The following TENM2 variants were observed in gnomAD, a reference collection of about 807,000 sequenced individuals.
The protein encoded by TENM2 is teneurin-2.
In TENM2, 52 loss-of-function variants were observed where a neutral mutation model predicts 245.2. That is an observed-to-expected ratio of 0.21 (90% confidence interval 0.17 to 0.27). TENM2 has a LOEUF of 0.27. TENM2 is among the 10% of genes least tolerant of loss of function. The probability of loss-of-function intolerance (pLI) is 1.00; values close to 1 mark genes in which losing one functional copy is unlikely to be tolerated. For synonymous variants in TENM2, 1,363 were observed against 1,438.9 expected, an observed-to-expected ratio of 0.95 and a Z score of 1.19; for missense variants, 3,046 against 3,666.8, an observed-to-expected ratio of 0.83 and a Z score of 4.37.
intron 1 of TENM2, among the ~76,000 whole-genome samples, chr5:167,304,595 CTTATT>C (rs1561848939): frequency 6.6e-6 from 1 of 152,084 alleles, no homozygotes; most frequent in Non-Finnish European, 1.5e-5. Flanking sequence ...ATATTTGTAA[CTTATT>C]TTGTTTTCCA....
intron 2 of TENM2, among the ~76,000 whole-genome samples, chr5:167,805,815 G>A (rs68057166): frequency 0.25 from 38,538 of 151,996 alleles, 5,695 homozygotes; most frequent in East Asian, 0.51. Flanking sequence ...TTTATCCAAA[G>A]TCTGAGAAGA....
rs1257837023 is a variant in TENM2, at chr5:167,801,929, C to CACAT, written c.503-74056_503-74055insCATA. On this transcript the variant is annotated intron_variant, in intron 2 of 28. Transcript: ENST00000518659. Reference sequence around the variant, plus strand: ...AGACACACACACACACACACACACACAGGGTAATTTATAAGAACAGAAATT... The same window carrying CACAT: ...AGACACACACACACACACACACACACACATAGGGTAATTTATAAGAACAGAAATT... 2.6e-5 allele frequency among the ~76,000 whole-genome samples: 4 copies of CACAT among 151,194 alleles called. No individual in the cohort carries two copies. The South Asian group carries it at 6.3e-4, about 24-fold the overall frequency.
intron 1 of TENM2, among the ~76,000 whole-genome samples, chr5:167,293,933 A>G (rs911755630): frequency 6.6e-6 from 1 of 151,894 alleles, no homozygotes; most frequent in African/African-American, 2.4e-5. Context: ...TTTGTTCTCT[A>G]TCATGGACTA....
intron 25 of TENM2, among the ~76,000 whole-genome samples, chr5:168,232,082 A>C (rs1438967198): frequency 6.6e-6 from 1 of 152,228 alleles, no homozygotes; most frequent in African/African-American, 2.4e-5. Flanking sequence ...AGGAAAGAAA[A>C]GATCTCTCTG....
At chr5:167,120,313 A>C in the TENM2 span, among the ~76,000 whole-genome samples, 1 of 152,210 alleles carries the variant, frequency 6.6e-6, no homozygotes, top group Non-Finnish European at 1.5e-5. Context: ...GCCAAACTAG[A>C]AAAAGCTAAA....
At chr5:167,232,441 T>C in the TENM2 span, among the ~76,000 whole-genome samples, 1 of 152,000 alleles carries the variant, frequency 6.6e-6, no homozygotes, top group Non-Finnish European at 1.5e-5. Context: ...GGTGTGATCT[T>C]GGCTCACTGC....
the TENM2 span, among the ~76,000 whole-genome samples, chr5:167,244,715 T>C: frequency 6.6e-6 from 1 of 152,144 alleles, no homozygotes; most frequent in Non-Finnish European, 1.5e-5. Context: ...GGATAGGTGC[T>C]GGGCTTTTAG....
At chr5:167,250,913 C>G in the TENM2 span, among the ~76,000 whole-genome samples, 1 of 152,004 alleles carries the variant, frequency 6.6e-6, no homozygotes, top group Non-Finnish European at 1.5e-5. Flanking sequence ...TTTGTTTGCT[C>G]AAGAGAAGTT....
the TENM2 span, among the ~76,000 whole-genome samples, chr5:167,073,049 T>C: frequency 2.0e-5 from 3 of 152,334 alleles, no homozygotes; most frequent in Admixed American, 2.0e-4. Context: ...AACTAATCAA[T>C]ATGTTTTATA....
At chr5:168,172,752 A>T (rs1159939786) in intron 13 of TENM2, among the ~76,000 whole-genome samples, 1 of 152,218 alleles carries the variant, frequency 6.6e-6, no homozygotes, top group Middle Eastern at 3.2e-3. Context: ...GCCACAAAGC[A>T]CTTAGGCACT....
the TENM2 span, among the ~76,000 whole-genome samples, chr5:167,251,499 G>A: frequency 6.6e-6 from 1 of 152,104 alleles, no homozygotes; most frequent in Non-Finnish European, 1.5e-5. Context: ...TTAGGCAAGG[G>A]CAAGCAGTCA....
intron 4 of TENM2, among the ~76,000 whole-genome samples, chr5:167,986,174 T>C (rs1783233058): frequency 6.6e-6 from 1 of 152,234 alleles, no homozygotes; most frequent in African/African-American, 2.4e-5. Flanking sequence ...CTGAAATCCA[T>C]GTCTTTGCTG....
chr5:167,622,737 G>A (rs1305970198), intron 2 of TENM2, among the ~76,000 whole-genome samples: 1 of 152,104 alleles, frequency 6.6e-6, no homozygotes, highest in African/African-American at 2.4e-5. Flanking sequence ...CAAACACGCA[G>A]CCAGAAAGAG....
At chr5:167,566,163 A>T (rs1221251315) in intron 2 of TENM2, among the ~76,000 whole-genome samples, 1 of 151,446 alleles carries the variant, frequency 6.6e-6, no homozygotes, top group East Asian at 1.9e-4. Flanking sequence ...TTGGTTGATC[A>T]TTCTTTTTGA....
the TENM2 span, among the ~76,000 whole-genome samples, chr5:167,154,941 A>G: frequency 1.1e-4 from 17 of 152,348 alleles, no homozygotes; most frequent in East Asian, 5.8e-4. Flanking sequence ...ATAAAAGCAT[A>G]AAAGTCGTAC....
chr5:167,974,037 A>AAGGAAGGGAAG (rs749674919), intron 4 of TENM2, among the ~76,000 whole-genome samples: 2 of 25,060 alleles, frequency 8.0e-5, no homozygotes, highest in African/African-American at 8.3e-4. Context: ...GGAAGGAAGG[A>AAGGAAGGGAAG]GAAGGAAGGA....
At chr5:167,109,515 A>G in the TENM2 span, among the ~76,000 whole-genome samples, 1 of 152,220 alleles carries the variant, frequency 6.6e-6, no homozygotes, top group African/African-American at 2.4e-5. Flanking sequence ...TTCAAATGCT[A>G]TAAACCCTTT....
At chr5:167,872,554 GAAAGAAAGAAAGAAAGAAA>G (rs1773064516) in intron 2 of TENM2, among the ~76,000 whole-genome samples, 1 of 58,422 alleles carries the variant, frequency 1.7e-5, no homozygotes, top group South Asian at 1.0e-3. Flanking sequence ...GAAAGAGAAA[GAAAGAAAGAAAGAAAGAAA>G]GAAAGAAAGA....
chr5:167,032,497 T>C, the TENM2 span, among the ~76,000 whole-genome samples: 3 of 152,182 alleles, frequency 2.0e-5, no homozygotes, highest in Non-Finnish European at 2.9e-5. Flanking sequence ...TAGCTAGCAC[T>C]TTTTATAGTT....
Sources: gnomAD v4.1 joint callset for allele counts (sites outside exome capture counted in the v4.1 genomes callset) on GRCh38, gnomAD v4.1.1 for gene constraint, MANE v1.5 for transcripts, NCBI Gene and HGNC (gene_info 2026-07-23, HGNC 2026-07-21) for gene names.